Variants in SGCZ observed in about 807,000 individuals in gnomAD.
SGCZ encodes the protein zeta-sarcoglycan.
Under a neutral mutation model 41.3 loss-of-function variants are expected in SGCZ, and 40 were observed. That is an observed-to-expected ratio of 0.97 (90% confidence interval 0.75 to 1.26). The LOEUF is 1.26. Ranked by LOEUF, SGCZ falls within the 50% of genes most tolerant of loss-of-function variation. The pLI, the probability that SGCZ is intolerant of heterozygous loss-of-function variation, is 0.00. For synonymous variants in SGCZ, 206 were observed against 137.5 expected (o/e 1.50, Z -3.49); for missense variants, 552 against 369.8 (o/e 1.49, Z -4.04).
chr8:15,112,323 T>A (rs924331553), intron 1 of SGCZ, among the ~76,000 whole-genome samples: 2 of 152,256 alleles, frequency 1.3e-5, no homozygotes, highest in Non-Finnish European at 2.9e-5. Context: ...AAGTCATTAA[T>A]GTGCAAACAA....
At chr8:14,880,359 T>C (rs112106316) in intron 1 of SGCZ, among the ~76,000 whole-genome samples, 18,290 of 152,204 alleles carry the variant, frequency 0.12, 1,838 homozygotes, top group African/African-American at 0.28. Flanking sequence ...TTGGTGGGAC[T>C]GTAAACTAGT....
At chr8:15,190,450 AAGTGAC>A (rs1432485904) in intron 1 of SGCZ, among the ~76,000 whole-genome samples, 1 of 152,130 alleles carries the variant, frequency 6.6e-6, no homozygotes, top group African/African-American at 2.4e-5. Flanking sequence ...CTCAGCCCTC[AAGTGAC>A]AGTCTAGTCA....
chr8:14,467,777 G>A (rs1317864440), intron 2 of SGCZ, among the ~76,000 whole-genome samples: 1 of 151,920 alleles, frequency 6.6e-6, no homozygotes, highest in African/African-American at 2.4e-5. Flanking sequence ...CACTCCTAGA[G>A]CAAGTTACAT....
chr8:15,177,125 G>A (rs1438244454), intron 1 of SGCZ, among the ~76,000 whole-genome samples: 2 of 152,210 alleles, frequency 1.3e-5, no homozygotes, highest in Non-Finnish European at 2.9e-5. Flanking sequence ...TCCAGGGAGA[G>A]CAAATTCAAA....
At chr8:14,767,717 G>A (rs1358618640) in intron 1 of SGCZ, among the ~76,000 whole-genome samples, 2 of 152,162 alleles carry the variant, frequency 1.3e-5, no homozygotes, top group African/African-American at 4.8e-5. Context: ...AGTGCCAACA[G>A]GTGGTCCTGC....
intron 3 of SGCZ, among the ~76,000 whole-genome samples, chr8:14,315,156 G>A (rs1272155402): frequency 6.6e-6 from 1 of 152,108 alleles, no homozygotes; most frequent in East Asian, 1.9e-4. Context: ...AACTTTGGAT[G>A]CATCACTTAT....
intron 2 of SGCZ, among the ~76,000 whole-genome samples, chr8:14,377,521 T>G (rs1585424784): frequency 6.6e-6 from 1 of 151,966 alleles, no homozygotes; most frequent in Non-Finnish European, 1.5e-5. Flanking sequence ...ATTTTTTTTG[T>G]TTTTATTTTT....
chr8:14,555,178 C>G (rs1268993456), intron 1 of SGCZ, among the ~76,000 whole-genome samples: 1 of 151,864 alleles, frequency 6.6e-6, no homozygotes, highest in African/African-American at 2.4e-5. Context: ...TCAGATTTGT[C>G]CCATTTCAAC....
At chr8:14,670,436 G>A (rs975205363) in intron 1 of SGCZ, among the ~76,000 whole-genome samples, 1 of 152,016 alleles carries the variant, frequency 6.6e-6, no homozygotes, top group Non-Finnish European at 1.5e-5. Context: ...ATGTTTCAAG[G>A]TGCCTGGAAA....
chr8:14,768,111 C>CA (rs1230587926), intron 1 of SGCZ, among the ~76,000 whole-genome samples: 1 of 152,044 alleles, frequency 6.6e-6, no homozygotes, highest in Non-Finnish European at 1.5e-5. Flanking sequence ...CCTAAAATGC[C>CA]AAAAAGAATA....
At chr8:14,101,187 A>G (rs762395415) in intron 7 of SGCZ, among the ~76,000 whole-genome samples, 2 of 152,176 alleles carry the variant, frequency 1.3e-5, no homozygotes, top group Non-Finnish European at 2.9e-5. Flanking sequence ...AGCTCAATGT[A>G]TGGATAAAAT....
Position 15,237,676 on chromosome 8 carries a change from A to G in SGCZ, c.-53T>C. 2 of 1,550,246 alleles carry G rather than the reference A, an allele frequency of 1.3e-6. No individual in the cohort carries two copies. The highest frequency in any genetic ancestry group is 1.4e-5 in the African/African-American group (1 of 73,292). ...AACCGGGCGAGTGGCACCCAAAAAC[A>G]ATCTAGTCTTTTAGTTTCCAGCTTA... On this transcript the variant is annotated 5_prime_UTR_variant, in exon 1 of 8. Coordinates refer to ENST00000382080, the MANE Select transcript of SGCZ (RefSeq NM_139167.4).
chr8:14,123,077 C>A (rs1035250194), intron 5 of SGCZ, among the ~76,000 whole-genome samples: 3 of 152,094 alleles, frequency 2.0e-5, no homozygotes, highest in African/African-American at 7.2e-5. Context: ...AGAAGAACGA[C>A]CAAATTACAA....
rs900935728 is a variant in SGCZ at position 14,145,571 on chromosome 8, G to T, written c.547+19009C>A. 1.2e-4 allele frequency among the ~76,000 whole-genome samples: 18 copies of T among 152,262 alleles called. No individual in the cohort carries two copies. In the East Asian group the frequency reaches 3.1e-3, roughly 26 times the overall value. ...ATATCAACACTATCCAGGAAAACAT[G>T]ACCTCAGTAAATGAACTAAAAATAG... On this transcript the variant is annotated intron_variant, in intron 5 of 7. Transcript: ENST00000382080.
intron 1 of SGCZ, among the ~76,000 whole-genome samples, chr8:15,048,900 G>T (rs559917379): frequency 6.6e-6 from 1 of 151,980 alleles, no homozygotes; most frequent in Non-Finnish European, 1.5e-5. Flanking sequence ...CAAACAAAAA[G>T]TTGCTCTCCT....
intron 1 of SGCZ, among the ~76,000 whole-genome samples, chr8:14,688,993 T>C (rs969301003): frequency 6.6e-6 from 1 of 152,024 alleles, no homozygotes; most frequent in Admixed American, 6.6e-5. Context: ...AGCCAAATCA[T>C]GAAAAAAATA....
At chr8:14,643,646 T>G (rs2117435689) in intron 1 of SGCZ, among the ~76,000 whole-genome samples, 1 of 151,804 alleles carries the variant, frequency 6.6e-6, no homozygotes, top group African/African-American at 2.4e-5. Flanking sequence ...ATAAATTATA[T>G]TCAACAGGAG....
rs181990898 is a variant in SGCZ at position 14,638,875 on chromosome 8, C to T, written c.40-83949G>A. Reference sequence around the variant, plus strand: ...TTCACATTTAAAATAGGCATAAAATCATGTGTGGCATTCATCAAATGCTGG... The same window carrying T: ...TTCACATTTAAAATAGGCATAAAATTATGTGTGGCATTCATCAAATGCTGG... On this transcript the variant is annotated intron_variant, in intron 1 of 7. Transcript: ENST00000382080. Among the ~76,000 whole-genome samples, 13 of 151,808 alleles carry T rather than the reference C, an allele frequency of 8.6e-5. No homozygotes were observed. The East Asian group carries it at 1.7e-3, about 20-fold the overall frequency.
At chr8:14,604,227 T>C (rs994138629) in intron 1 of SGCZ, among the ~76,000 whole-genome samples, 1 of 152,100 alleles carries the variant, frequency 6.6e-6, no homozygotes, top group South Asian at 2.1e-4. Context: ...CTTCTTCTTA[T>C]AGAAGAAGAA....
Sources: gnomAD v4.1 joint callset for allele counts (sites outside exome capture counted in the v4.1 genomes callset) on GRCh38, gnomAD v4.1.1 for gene constraint, MANE v1.5 for transcripts, NCBI Gene and HGNC (gene_info 2026-07-23, HGNC 2026-07-21) for gene names.